Variants in SAMD3 observed in about 807,000 individuals in gnomAD.
The protein encoded by SAMD3 is sterile alpha motif domain-containing protein 3.
A neutral mutation model predicts 58.5 loss-of-function variants in SAMD3; 63 were observed. The observed-to-expected ratio is 1.08, with a 90% CI of 0.88 to 1.33. The LOEUF is 1.33. SAMD3 is among the 40% of genes most tolerant of loss of function. The pLI, the probability that SAMD3 is intolerant of heterozygous loss-of-function variation, is 0.00. For missense variants in SAMD3, 604 were observed against 608.4 expected (o/e 0.99, Z 0.08); for synonymous variants, 220 against 210.3 (o/e 1.05, Z -0.40).
At chr6:130,216,924 A>G (rs939312127) in intron 1 of SAMD3, among the ~76,000 whole-genome samples, 5 of 152,222 alleles carry the variant, frequency 3.3e-5, no homozygotes, top group South Asian at 2.1e-4. Context: ...TAGAGAAAAA[A>G]TAAAAGAATT....
intron 2 of SAMD3, among the ~76,000 whole-genome samples, chr6:130,241,722 C>T (rs1325918336): frequency 3.3e-5 from 5 of 151,856 alleles, no homozygotes; most frequent in Non-Finnish European, 7.4e-5. Flanking sequence ...GGAATAAAGA[C>T]CCAAAAGGAG....
chr6:130,262,256 C>G (rs186367477), intron 2 of SAMD3, among the ~76,000 whole-genome samples: 1 of 151,728 alleles, frequency 6.6e-6, no homozygotes, highest in Non-Finnish European at 1.5e-5. Flanking sequence ...TGTGGATGGC[C>G]CAAATGCATT....
chr6:130,282,368 TA>T (rs143198060), intron 2 of SAMD3, among the ~76,000 whole-genome samples: 48,130 of 151,756 alleles, frequency 0.32, 7,796 homozygotes, highest in East Asian at 0.47. Flanking sequence ...ATATATATTA[TA>T]TACATAGGCA....
At chr6:130,175,349 C>T (rs1426538170) in intron 8 of SAMD3, among the ~76,000 whole-genome samples, 1 of 152,142 alleles carries the variant, frequency 6.6e-6, no homozygotes, top group Non-Finnish European at 1.5e-5. Flanking sequence ...CTCCCGACAG[C>T]CACTTCTGGG....
At chr6:130,278,880 C>A (rs1774881736) in intron 2 of SAMD3, among the ~76,000 whole-genome samples, 1 of 152,286 alleles carries the variant, frequency 6.6e-6, no homozygotes, top group East Asian at 1.9e-4. Context: ...TCACTTACTG[C>A]AGCCTACTGT....
At chr6:130,246,643 C>A (rs866117899) in intron 2 of SAMD3, among the ~76,000 whole-genome samples, 1 of 152,252 alleles carries the variant, frequency 6.6e-6, no homozygotes, top group Middle Eastern at 3.4e-3. Context: ...ATAATCCCAG[C>A]ACTTTGGGAA....
intron 5 of SAMD3, among the ~76,000 whole-genome samples, chr6:130,203,223 A>G (rs1794801687): frequency 6.6e-6 from 1 of 151,976 alleles, no homozygotes; most frequent in South Asian, 2.1e-4. Context: ...CTTAGTGACT[A>G]CCCAGACAAG....
chr6:130,165,921 C>T (rs774010360), intron 8 of SAMD3, among the ~76,000 whole-genome samples: 1 of 152,136 alleles, frequency 6.6e-6, no homozygotes, highest in Non-Finnish European at 1.5e-5. Flanking sequence ...GCTATGATGA[C>T]ATGGGGATCC....
intron 2 of SAMD3, among the ~76,000 whole-genome samples, chr6:130,288,380 A>G (rs1775239298): frequency 6.6e-6 from 1 of 152,230 alleles, no homozygotes; most frequent in South Asian, 2.1e-4. Context: ...CCTTCAACTT[A>G]CTGAATGAGG....
At chr6:130,179,810 C>CTTT (rs71028199) in intron 7 of SAMD3, among the ~76,000 whole-genome samples, 41 of 116,240 alleles carry the variant, frequency 3.5e-4, no homozygotes, top group African/African-American at 4.3e-4. Context: ...TGTCCTTATT[C>CTTT]TTTTTTTTTT....
intron 2 of SAMD3, among the ~76,000 whole-genome samples, chr6:130,232,624 C>T (rs1796579231): frequency 6.6e-6 from 1 of 152,050 alleles, no homozygotes; most frequent in Admixed American, 6.6e-5. Flanking sequence ...TGTTGGTTTT[C>T]CTCCTTTCTG....
intron 5 of SAMD3, among the ~76,000 whole-genome samples, chr6:130,205,136 C>A (rs1475786887): frequency 6.3e-5 from 9 of 141,840 alleles, no homozygotes; most frequent in Admixed American, 1.5e-4. Flanking sequence ...GCTTATAGAG[C>A]CCTGGAGTTT....
intron 2 of SAMD3, among the ~76,000 whole-genome samples, chr6:130,282,377 G>C (rs1277445850): frequency 2.0e-5 from 3 of 151,988 alleles, no homozygotes; most frequent in Non-Finnish European, 4.4e-5. Context: ...ATATACATAG[G>C]CAAGTATAAA....
chr6:130,301,430 G>A (rs1346485973), intron 2 of SAMD3, among the ~76,000 whole-genome samples: 2 of 152,076 alleles, frequency 1.3e-5, no homozygotes, highest in African/African-American at 4.8e-5. Flanking sequence ...TGAGATCACC[G>A]ATGGCGCAAA....
chr6:130,317,393 G>A (rs898993600), intron 1 of SAMD3, among the ~76,000 whole-genome samples: 1 of 152,106 alleles, frequency 6.6e-6, no homozygotes, highest in Non-Finnish European at 1.5e-5. Context: ...CTAGGCACTG[G>A]GAATAGAAAT....
rs186869178 is a variant in SAMD3 at position 130,167,640 on chromosome 6, T to A, written c.822+8201A>T. Among the ~76,000 whole-genome samples the A allele has an allele frequency of 2.8e-3, 434 of 152,310 alleles. 4 individuals are homozygous for A. Among genetic ancestry groups the A allele is most frequent in the African/African-American group, 8.3e-3 (347 of 41,562 alleles). On this transcript the variant is annotated intron_variant, in intron 8 of 11. Coordinates refer to ENST00000439090, the MANE Select transcript of SAMD3 (RefSeq NM_001017373.4). Reference sequence around the variant, plus strand: ...ATCTGTTTATAAATACACGATGAGGTACAGTAAGACACTTAAGAAAAGAAA... The same window carrying A: ...ATCTGTTTATAAATACACGATGAGGAACAGTAAGACACTTAAGAAAAGAAA...
chr6:130,281,179 T>A (rs888301403), intron 2 of SAMD3, among the ~76,000 whole-genome samples: 1 of 152,170 alleles, frequency 6.6e-6, no homozygotes, highest in Admixed American at 6.5e-5. Flanking sequence ...CTATTTTGGA[T>A]TGTGGCTAAT....
chr6:130,303,456 T>C (rs61438051), intron 2 of SAMD3, among the ~76,000 whole-genome samples: 1,896 of 152,288 alleles, frequency 0.012, 37 homozygotes, highest in African/African-American at 0.043. Flanking sequence ...AAAGGTTAAC[T>C]CTATATTCCT....
intron 8 of SAMD3, among the ~76,000 whole-genome samples, chr6:130,155,916 A>C (rs956534668): frequency 6.6e-6 from 1 of 152,226 alleles, no homozygotes; most frequent in Non-Finnish European, 1.5e-5. Flanking sequence ...CTATAATCTT[A>C]TACAAATTTA....
Sources: allele counts gnomAD v4.1 joint callset (sites outside exome capture counted in the v4.1 genomes callset), GRCh38; gene constraint gnomAD v4.1.1; transcripts MANE v1.5; gene names NCBI Gene and HGNC (gene_info 2026-07-23, HGNC 2026-07-21).